Variants in PEAK1 observed in about 807,000 individuals in gnomAD.
The protein encoded by PEAK1 is pseudopodium enriched atypical kinase 1.
Under a neutral mutation model 124.7 loss-of-function variants are expected in PEAK1, and 54 were observed. The ratio of observed to expected loss-of-function variants is 0.43; its 90% CI spans 0.35 to 0.54. PEAK1 has a LOEUF of 0.54. Among genes scored for constraint, PEAK1 ranks in the 20% least tolerant of loss-of-function variants. The pLI, the probability that PEAK1 is intolerant of heterozygous loss-of-function variation, is 0.01. For missense variants in PEAK1, 2,046 were observed against 2,134.5 expected (o/e 0.96, Z 0.82); for synonymous variants, 719 against 760.0 (o/e 0.95, Z 0.89).
At chr15:77,346,854 T>C (rs1376540851) in intron 2 of PEAK1, 3 of 548,074 alleles carry the variant, frequency 5.5e-6, no homozygotes, top group African/African-American at 2.1e-5. Flanking sequence ...CTAGACACAA[T>C]GTCCCTTTGT....
At chr15:77,348,806 G>T in intron 2 of PEAK1, 1 of 795,680 alleles carries the variant, frequency 1.3e-6, no homozygotes, top group Admixed American at 6.5e-5. Flanking sequence ...TGTGGGGGAG[G>T]GGGCGGGCAG....
chr15:77,151,025 C>T (rs2054577045), intron 8 of PEAK1, among the ~76,000 whole-genome samples: 1 of 152,070 alleles, frequency 6.6e-6, no homozygotes, highest in Admixed American at 6.5e-5. Flanking sequence ...TGGGTATATA[C>T]CCAGTAATGG....
At chr15:77,287,476 T>C (rs2152975147) in intron 2 of PEAK1, among the ~76,000 whole-genome samples, 1 of 152,340 alleles carries the variant, frequency 6.6e-6, no homozygotes, top group East Asian at 1.9e-4. Flanking sequence ...AATGCTTAAA[T>C]TGTGATTCAA....
At chr15:77,129,809 C>A (rs548987161) in intron 9 of PEAK1, among the ~76,000 whole-genome samples, 33 of 152,142 alleles carry the variant, frequency 2.2e-4, no homozygotes, top group African/African-American at 7.7e-4. Flanking sequence ...GACAGTTACA[C>A]CCTTTAGACT....
At chr15:77,119,122 T>C (rs2051672376) in intron 9 of PEAK1, among the ~76,000 whole-genome samples, 1 of 152,236 alleles carries the variant, frequency 6.6e-6, no homozygotes, top group African/African-American at 2.4e-5. Flanking sequence ...TCTATGATGC[T>C]GGCAATACCA....
At chr15:77,376,389 G>A (rs1166267558) in intron 1 of PEAK1, among the ~76,000 whole-genome samples, 1 of 152,070 alleles carries the variant, frequency 6.6e-6, no homozygotes, top group Non-Finnish European at 1.5e-5. Flanking sequence ...TTGGTTAAGG[G>A]GGTGGGGGGG....
intron 5 of PEAK1, among the ~76,000 whole-genome samples, chr15:77,268,040 G>A (rs565515930): frequency 1.3e-5 from 2 of 152,224 alleles, no homozygotes; most frequent in South Asian, 4.1e-4. Flanking sequence ...TGGAAATGAA[G>A]GGCACACTTA....
At position 77,181,658 on chromosome 15, in the gene PEAK1, C is replaced by A. The variant is rs752480842; in HGVS notation, c.269G>T (p.Ser90Ile). Residue 90 changes from serine (S) to isoleucine (I), a missense_variant, in exon 7 of 10, where the codon AGC (serine) becomes ATC (isoleucine). Physicochemically the swap from Ser to Ile is moderately radical, Grantham distance 142. Coordinates refer to ENST00000682557, the MANE Select transcript of PEAK1 (RefSeq NM_001385026.1). ...TTTGTTCTCACAGTGTTCTTGGATG[C>A]TAAGCTCACCACATATACTTTGCCC... is the stretch of plus-strand genomic sequence containing the variant. ...ADGQSICGEL[S>I]IQEHCENKPV... 4 of 1,614,104 alleles carry A rather than the reference C, an allele frequency of 2.5e-6. No homozygotes were observed. In the Admixed American group the frequency reaches 6.7e-5, roughly 27 times the overall value.
chr15:77,250,224 C>CATAT (rs2060807950), intron 6 of PEAK1, among the ~76,000 whole-genome samples: 1 of 103,342 alleles, frequency 9.7e-6, no homozygotes, highest in Non-Finnish European at 2.0e-5. Context: ...TATATATACA[C>CATAT]ATATATATGT....
intron 2 of PEAK1, among the ~76,000 whole-genome samples, chr15:77,322,495 A>G (rs1293910209): frequency 2.0e-5 from 3 of 152,246 alleles, no homozygotes; most frequent in East Asian, 3.8e-4. Flanking sequence ...AGAATACTAT[A>G]AACACCTCTA....
At chr15:77,332,247 A>ATT (rs369039134) in intron 2 of PEAK1, 1 of 984,814 alleles carries the variant, frequency 1.0e-6, no homozygotes, top group Non-Finnish European at 1.2e-6. Flanking sequence ...CAAAAAGTTG[A>ATT]TTTTTTTCCC....
intron 6 of PEAK1, among the ~76,000 whole-genome samples, chr15:77,251,833 A>C (rs370691212): frequency 3.3e-4 from 51 of 152,310 alleles, no homozygotes; most frequent in African/African-American, 1.2e-3. Context: ...TTTCCCTAGA[A>C]ATTTCTGCAT....
At chr15:77,335,935 T>C in intron 2 of PEAK1, 1 of 985,382 alleles carries the variant, frequency 1.0e-6, no homozygotes, top group South Asian at 4.7e-5. Context: ...AGAACACCTA[T>C]CTCTTTCTGG....
chr15:77,283,526 A>G (rs190426314), intron 5 of PEAK1, among the ~76,000 whole-genome samples: 16 of 152,282 alleles, frequency 1.1e-4, no homozygotes, highest in Non-Finnish European at 2.1e-4. Flanking sequence ...TTTCCAATTA[A>G]AAAAATACTA....
At chr15:77,277,859 AG>A (rs1344424394) in intron 5 of PEAK1, among the ~76,000 whole-genome samples, 1 of 152,168 alleles carries the variant, frequency 6.6e-6, no homozygotes, top group Non-Finnish European at 1.5e-5. Flanking sequence ...GAGAAGGAAA[AG>A]GGATGAATAG....
chr15:77,384,130 T>A (rs550546198), intron 1 of PEAK1, among the ~76,000 whole-genome samples: 1 of 151,826 alleles, frequency 6.6e-6, no homozygotes, highest in Non-Finnish European at 1.5e-5. Flanking sequence ...GAAAATAAAT[T>A]AGGTATTCTG....
Position 77,133,332 on chromosome 15 carries a change from G to A in PEAK1, c.3750C>T (p.Ser1250=), listed in dbSNP as rs1453555731. ...CACGCCGGCTGGAGAGGGATTCCATGCTGTTGGAAAATCTATCCTTAATAC... is the reference window on the plus strand; with the variant it reads ...CACGCCGGCTGGAGAGGGATTCCATACTGTTGGAAAATCTATCCTTAATAC... The part of the protein sequence containing the change: ...TLSIKDRFSN[S]MESLSSRRGP... The change falls in exon 9 of 10, where the codon AGC becomes AGT. Residue 1250 remains serine (S), a synonymous_variant. Transcript: ENST00000682557. This position sits in a 1 kb window ranked among gnomAD's most constrained non-coding sequence, Gnocchi z 4.2. The A allele has an allele frequency of 6.2e-7, 1 of 1,614,164 alleles. No homozygotes were observed. Among genetic ancestry groups the A allele is most frequent in the East Asian group, 2.2e-5 (1 of 44,898 alleles).
rs144857688 is a variant in PEAK1 at position 77,360,330 on chromosome 15, T to C, written c.-603+4833A>G. Among the ~76,000 whole-genome samples, 240 of 152,226 alleles carry C rather than the reference T, an allele frequency of 1.6e-3. 2 individuals are homozygous for C. Among genetic ancestry groups the C allele is most frequent in the African/African-American group, 5.5e-3 (229 of 41,532 alleles). On this transcript the variant is annotated intron_variant, in intron 2 of 9. Coordinates refer to ENST00000682557, the MANE Select transcript of PEAK1 (RefSeq NM_001385026.1). ...TTCCCCAGGACCTTGAATTAGACAATTGTTTCTTAGATACAACACCAAAAG... is the reference window on the plus strand; with the variant it reads ...TTCCCCAGGACCTTGAATTAGACAACTGTTTCTTAGATACAACACCAAAAG...
chr15:77,316,568 G>A (rs2064887908), intron 2 of PEAK1, among the ~76,000 whole-genome samples: 1 of 152,096 alleles, frequency 6.6e-6, no homozygotes. Flanking sequence ...GGTCAATTGA[G>A]AAATTAATCA....
Sources: allele counts gnomAD v4.1 joint callset (sites outside exome capture counted in the v4.1 genomes callset), GRCh38; gene constraint gnomAD v4.1.1; non-coding constraint Gnocchi (gnomAD v3.1); transcripts MANE v1.5; gene names NCBI Gene and HGNC (gene_info 2026-07-23, HGNC 2026-07-21).